Variants in DNAH7 observed in about 807,000 individuals in gnomAD.
DNAH7 encodes the protein dynein axonemal heavy chain 7.
DNAH7 carries 397 observed loss-of-function variants against 444.6 expected under a neutral mutation model. The observed-to-expected ratio is 0.89, with a 90% CI of 0.82 to 0.97. DNAH7 has a LOEUF of 0.97. Among genes scored for constraint, DNAH7 ranks in the 50% least tolerant of loss-of-function variants. The pLI is 0.00. For missense variants in DNAH7, 4,902 were observed against 4,800.8 expected (o/e 1.02, Z -0.62); for synonymous variants, 1,636 against 1,624.4 (o/e 1.01, Z -0.17).
intron 28 of DNAH7, among the ~76,000 whole-genome samples, chr2:195,899,829 G>C (rs1686589131): frequency 6.6e-6 from 1 of 152,090 alleles, no homozygotes; most frequent in African/African-American, 2.4e-5. Flanking sequence ...ATATATTACA[G>C]TTATAATTTA....
intron 30 of DNAH7, chr2:195,892,941 A>G (rs1316852982): frequency 1.3e-5 from 2 of 150,766 alleles, no homozygotes; most frequent in South Asian, 2.1e-4. Context: ...GAGAATATTA[A>G]CCTTTTTTTT....
Position 195,771,855 on chromosome 2 carries a change from A to G in DNAH7, c.11238T>C (p.Asp3746=). 6.2e-7 allele frequency: 1 copy of G among 1,614,236 alleles called. No homozygotes were observed. The highest frequency in any genetic ancestry group is 8.5e-7 in the Non-Finnish European group (1 of 1,180,032). ...CACTAGCGACCTCATTCACTACTTC[A>G]TCTGATGATTTTGCACCAGCACCTG... is the stretch of plus-strand genomic sequence containing the variant. ...RSAGAGAKSS[D]EVVNEVASDI... The change falls in exon 61 of 65, where the codon GAT becomes GAC. Residue 3746 remains aspartate (D), a synonymous_variant. Coordinates refer to ENST00000312428, the MANE Select transcript of DNAH7 (RefSeq NM_018897.3).
chr2:195,930,543 G>A (rs2101526), intron 21 of DNAH7, among the ~76,000 whole-genome samples: 14,038 of 152,252 alleles, frequency 0.092, 720 homozygotes, highest in African/African-American at 0.13. Context: ...TGATAAGGCT[G>A]CAGAGAAAAG....
At chr2:195,999,341 T>A (rs1480274764) in intron 12 of DNAH7, 1 of 639,636 alleles carries the variant, frequency 1.6e-6, no homozygotes, top group African/African-American at 1.8e-5. Flanking sequence ...ACCAGTATTG[T>A]CTTTGAAATC....
chr2:195,919,432 C>G, intron 24 of DNAH7, among the ~76,000 whole-genome samples: 1 of 152,042 alleles, frequency 6.6e-6, no homozygotes, highest in Non-Finnish European at 1.5e-5. Context: ...GCAGCCTCCA[C>G]CTCTTGGGTT....
chr2:195,794,339 G>C lies in DNAH7; in HGVS notation c.10715C>G (p.Pro3572Arg). 1 of 1,614,070 alleles carries C rather than the reference G, an allele frequency of 6.2e-7. No homozygotes were observed. Among genetic ancestry groups the C allele is most frequent in the Non-Finnish European group, 8.5e-7 (1 of 1,179,978 alleles). Residue 3572 changes from proline to arginine, a missense_variant and splice_region_variant, in exon 57 of 65, where the codon CCT becomes CGT. Transcript: ENST00000312428. ...TAACAAGACTTAACCATTACTAACA[G>C]GCTTTTTGCAGCTGCCAAAGAACTC... ...DPEFFGSCKK[P>R]EEFKKLLYGL...
chr2:195,779,551 G>T (rs1695271782), intron 58 of DNAH7, among the ~76,000 whole-genome samples: 1 of 151,088 alleles, frequency 6.6e-6, no homozygotes, highest in African/African-American at 2.4e-5. Context: ...TATAATATTT[G>T]TTGTTTTTTT....
chr2:195,996,721 C>T (rs1049580779), intron 12 of DNAH7, among the ~76,000 whole-genome samples: 2 of 152,098 alleles, frequency 1.3e-5, no homozygotes, highest in Non-Finnish European at 2.9e-5. Context: ...CCACCATGCC[C>T]GTCCCCAACT....
intron 59 of DNAH7, among the ~76,000 whole-genome samples, 178 bp from the exon 60 acceptor site, chr2:195,776,161 C>A (rs1347619271): frequency 6.6e-6 from 1 of 151,924 alleles, no homozygotes; most frequent in African/African-American, 2.4e-5. Flanking sequence ...AAAATATGAA[C>A]AGCTAGGCGC....
intron 10 of DNAH7, among the ~76,000 whole-genome samples, chr2:196,005,087 C>T (rs56096402): frequency 0.036 from 5,526 of 151,564 alleles, 225 homozygotes; most frequent in African/African-American, 0.095. Context: ...CAGCTAACAC[C>T]GTGAAACCCC....
intron 63 of DNAH7, among the ~76,000 whole-genome samples, chr2:195,743,849 A>G (rs1693203704): frequency 6.6e-6 from 1 of 152,228 alleles, no homozygotes; most frequent in South Asian, 2.1e-4. Flanking sequence ...GAAATGTATC[A>G]GCTATTATAA....
chr2:195,949,547 G>C (rs913827891), intron 19 of DNAH7, among the ~76,000 whole-genome samples: 1 of 152,126 alleles, frequency 6.6e-6, no homozygotes. Context: ...GCCTCCCAAA[G>C]CGCTGGGATT....
At chr2:196,037,599 A>T (rs1363026054) in intron 5 of DNAH7, among the ~76,000 whole-genome samples, 3 of 152,170 alleles carry the variant, frequency 2.0e-5, no homozygotes, top group Admixed American at 6.5e-5. Flanking sequence ...GAAATGAACA[A>T]AATAAAAAAA....
Position 195,809,640 on chromosome 2 carries a change from G to A in DNAH7, c.9888+105C>T, listed in dbSNP as rs1257715997. 5.5e-6 allele frequency: 6 copies of A among 1,081,964 alleles called. 1 individual carries two copies. Among genetic ancestry groups the A allele is most frequent in the Non-Finnish European group, 7.2e-6 (6 of 831,758 alleles). The allele number at this position is 1,081,964 out of a possible 1,614,324, so 67.0% of individuals were successfully genotyped here. A position where few individuals can be genotyped will look rare whatever the true frequency, so the allele number is the denominator to read the frequency against. ...AACTATAATAACAAACAGTATTATT[G>A]CTTAACTATTTACAATCTTTTTATA... On this transcript the variant is annotated intron_variant, in intron 52 of 64. Transcript: ENST00000312428.
At chr2:195,906,268 T>C (rs1687010108) in intron 27 of DNAH7, among the ~76,000 whole-genome samples, 1 of 152,054 alleles carries the variant, frequency 6.6e-6, no homozygotes, top group East Asian at 1.9e-4. Context: ...GAATTGTTCC[T>C]GGTGTGGATA....
chr2:195,990,894 T>C (rs997875330), intron 12 of DNAH7, among the ~76,000 whole-genome samples: 1 of 141,556 alleles, frequency 7.1e-6, no homozygotes, highest in Non-Finnish European at 1.5e-5. Flanking sequence ...TATATACTTA[T>C]ATACATATAT....
intron 38 of DNAH7, among the ~76,000 whole-genome samples, chr2:195,875,159 A>G: frequency 6.6e-6 from 1 of 152,188 alleles, no homozygotes; most frequent in East Asian, 1.9e-4. Context: ...GCCATTCCCT[A>G]CTTAAATTCT....
intron 19 of DNAH7, among the ~76,000 whole-genome samples, chr2:195,944,141 A>T (rs925026199): frequency 3.3e-5 from 5 of 151,770 alleles, no homozygotes; most frequent in Admixed American, 2.0e-4. Flanking sequence ...CAATATAATT[A>T]TTGAAGTTAT....
At chr2:195,854,573 A>T (rs1699585311) in intron 45 of DNAH7, among the ~76,000 whole-genome samples, 1 of 151,942 alleles carries the variant, frequency 6.6e-6, no homozygotes, top group Non-Finnish European at 1.5e-5. Flanking sequence ...TTGTCTTTCT[A>T]GTTTCTTTCC....
Sources: allele counts gnomAD v4.1 joint callset (sites outside exome capture counted in the v4.1 genomes callset), GRCh38; gene constraint gnomAD v4.1.1; transcripts MANE v1.5; gene names NCBI Gene and HGNC (gene_info 2026-07-23, HGNC 2026-07-21).